Variants in FRMD6 observed in about 807,000 individuals in gnomAD.
FRMD6 encodes FERM domain containing 6, also known as FERM domain-containing protein 6.
A neutral mutation model predicts 73.2 loss-of-function variants in FRMD6; 37 were observed. That is an observed-to-expected ratio of 0.51 (90% CI 0.39 to 0.66). The LOEUF (loss-of-function observed/expected upper bound fraction) is 0.66, where lower values mean the gene tolerates loss of function less well. Among genes scored for constraint, FRMD6 ranks in the 30% least tolerant of loss-of-function variants. The pLI is 0.00. For missense variants in FRMD6, 714 were observed against 780.5 expected (o/e 0.91, Z 1.02); for synonymous variants, 273 against 282.2 (o/e 0.97, Z 0.33).
intron 1 of FRMD6, among the ~76,000 whole-genome samples, chr14:51,558,718 CATGTG>C (rs1887299410): frequency 4.6e-5 from 7 of 152,086 alleles, no homozygotes; most frequent in Non-Finnish European, 1.0e-4. Flanking sequence ...TACTATATAA[CATGTG>C]GTAACATAGT....
chr14:51,696,667 T>G (rs1436584786), intron 2 of FRMD6, among the ~76,000 whole-genome samples: 1 of 151,882 alleles, frequency 6.6e-6, no homozygotes, highest in East Asian at 1.9e-4. Flanking sequence ...ATCCCAGCGC[T>G]TTGGGAGGCC....
At chr14:51,584,215 G>A (rs1180143941) in intron 2 of FRMD6, 3 of 152,198 alleles carry the variant, frequency 2.0e-5, no homozygotes, top group African/African-American at 7.2e-5. Flanking sequence ...CATCATTTAA[G>A]CTTTAAGCCT....
upstream of FRMD6, among the ~76,000 whole-genome samples, chr14:51,488,028 A>T (rs1030646468): frequency 6.6e-6 from 1 of 152,190 alleles, no homozygotes; most frequent in Non-Finnish European, 1.5e-5. Context: ...ACGATGTAGT[A>T]ACGAGATCTG....
chr14:51,436,553 G>A, the FRMD6 span: 1 of 658,666 alleles, frequency 1.5e-6, no homozygotes. Flanking sequence ...AAATCAAATG[G>A]AAATCTGGAA....
At chr14:51,453,594 A>G in the FRMD6 span, among the ~76,000 whole-genome samples, 2 of 152,192 alleles carry the variant, frequency 1.3e-5, no homozygotes, top group Non-Finnish European at 1.5e-5. Flanking sequence ...ATGCTATTTG[A>G]TTGAGGGGAT....
chr14:51,520,182 G>T (rs538033004), intron 1 of FRMD6, among the ~76,000 whole-genome samples: 4 of 152,136 alleles, frequency 2.6e-5, no homozygotes, highest in African/African-American at 9.7e-5. Context: ...CAAATACTTT[G>T]CCAAAGAAGA....
At chr14:51,517,528 T>C (rs1484863904) in intron 1 of FRMD6, among the ~76,000 whole-genome samples, 5 of 152,180 alleles carry the variant, frequency 3.3e-5, no homozygotes, top group African/African-American at 1.2e-4. Context: ...TGTGTTTTTC[T>C]CAGTCATAAC....
At chr14:51,699,976 A>G (rs1896201612) in intron 3 of FRMD6, among the ~76,000 whole-genome samples, 1 of 151,904 alleles carries the variant, frequency 6.6e-6, no homozygotes. Flanking sequence ...TAACCCTTTC[A>G]TTAAAATTGG....
chr14:51,564,245 GAGT>G (rs922983144), intron 1 of FRMD6, among the ~76,000 whole-genome samples: 1 of 152,224 alleles, frequency 6.6e-6, no homozygotes, highest in African/African-American at 2.4e-5. Flanking sequence ...TAAGCTTGGA[GAGT>G]CTTCTCATTA....
At chr14:51,528,108 C>T (rs767541389) in intron 1 of FRMD6, among the ~76,000 whole-genome samples, 5 of 152,174 alleles carry the variant, frequency 3.3e-5, no homozygotes, top group Non-Finnish European at 5.9e-5. Flanking sequence ...TGCCACTGCA[C>T]TCCAGCCGGG....
the FRMD6 span, among the ~76,000 whole-genome samples, chr14:51,455,962 C>T: frequency 1.3e-5 from 2 of 152,100 alleles, no homozygotes; most frequent in African/African-American, 4.8e-5. Context: ...TGGACCTGTG[C>T]CTGATCTCCC....
chr14:51,461,768 G>T, the FRMD6 span, among the ~76,000 whole-genome samples: 1 of 152,368 alleles, frequency 6.6e-6, no homozygotes, highest in South Asian at 2.1e-4. Flanking sequence ...GAGATGGAAG[G>T]TAGTGATGAA....
chr14:51,689,628 T>C, intron 1 of FRMD6, 63 bp from the exon 2 acceptor site: 1 of 570,278 alleles, frequency 1.8e-6, no homozygotes, highest in East Asian at 2.9e-5. Flanking sequence ...CTTATCTTCC[T>C]GACGCGCTCT....
intron 2 of FRMD6, among the ~76,000 whole-genome samples, chr14:51,580,732 G>A (rs1477181189): frequency 6.6e-6 from 1 of 152,192 alleles, no homozygotes; most frequent in Non-Finnish European, 1.5e-5. Flanking sequence ...ACTATATAAT[G>A]GGTAAAGAGG....
At chr14:51,486,027 C>CT (rs36049787), upstream of FRMD6, among the ~76,000 whole-genome samples, 1,410 of 138,016 alleles carry the variant, frequency 0.01, 16 homozygotes, top group African/African-American at 0.026. Context: ...ACTTCCTTTT[C>CT]TTTTTTTTTT....
intron 2 of FRMD6, chr14:51,578,903 C>T (rs1888553093): frequency 6.6e-6 from 1 of 152,150 alleles, no homozygotes; most frequent in Non-Finnish European, 1.5e-5. Flanking sequence ...ACCTTGAAGG[C>T]CAGGCTTAGG....
At position 51,552,886 on chromosome 14, in the gene FRMD6, G is replaced by T. The variant is rs575610916; in HGVS notation, c.-209-17462G>T. ...TCTGCCTTCCTCAAGGGTGCGACAC[G>T]TTGCTCTCATGAGCCAGATCTAGGT... is the stretch of plus-strand genomic sequence containing the variant. On this transcript the variant is annotated intron_variant, in intron 1 of 14. Transcript: ENST00000356218. Among the ~76,000 whole-genome samples the T allele has an allele frequency of 3.7e-3, 557 of 152,234 alleles. 3 individuals are homozygous for T. Among genetic ancestry groups the T allele is most frequent in the African/African-American group, 0.013 (542 of 41,532 alleles).
intron 1 of FRMD6, among the ~76,000 whole-genome samples, chr14:51,656,374 C>G (rs1377504416): frequency 6.6e-6 from 1 of 151,924 alleles, no homozygotes; most frequent in East Asian, 1.9e-4. Flanking sequence ...CAGTGTTTTC[C>G]TGGAGCTTCC....
intron 1 of FRMD6, among the ~76,000 whole-genome samples, chr14:51,556,870 A>G (rs1035193057): frequency 7.9e-5 from 12 of 152,188 alleles, no homozygotes; most frequent in Non-Finnish European, 1.5e-5. Flanking sequence ...TTCCAAATCC[A>G]GATCTAAATC....
Sources: gnomAD v4.1 joint callset for allele counts (sites outside exome capture counted in the v4.1 genomes callset) on GRCh38, gnomAD v4.1.1 for gene constraint, MANE v1.5 for transcripts, NCBI Gene and HGNC (gene_info 2026-07-23, HGNC 2026-07-21) for gene names.